Variants in PRKCQ observed in about 807,000 individuals in gnomAD.
PRKCQ encodes the protein protein kinase C theta type.
PRKCQ carries 41 observed loss-of-function variants against 91.2 expected under a neutral mutation model. The ratio of observed to expected loss-of-function variants is 0.45; its 90% confidence interval spans 0.35 to 0.58. The LOEUF (loss-of-function observed/expected upper bound fraction) is 0.58. Ranked by LOEUF, PRKCQ falls within the 20% of genes least tolerant of loss-of-function variation. The probability of loss-of-function intolerance (pLI) is 0.00; values close to 1 mark genes in which losing one functional copy is unlikely to be tolerated. For missense variants in PRKCQ, 673 were observed against 896.5 expected (o/e 0.75, Z 3.18); for synonymous variants, 307 against 316.9 (o/e 0.97, Z 0.33).
At chr10:6,442,135 C>A (rs1564297829) in intron 15 of PRKCQ, 54 bp from the exon 16 acceptor site, 1 of 1,545,552 alleles carries the variant, frequency 6.5e-7, no homozygotes, top group Non-Finnish European at 8.8e-7. Context: ...TGAGGAGTGA[C>A]AACTCTTCCT....
At chr10:6,437,646 A>AT (rs1002124125) in intron 16 of PRKCQ, among the ~76,000 whole-genome samples, 1 of 150,858 alleles carries the variant, frequency 6.6e-6, no homozygotes, top group East Asian at 2.0e-4. Context: ...CTAACTTATT[A>AT]TTTTTTTTAT....
intron 16 of PRKCQ, among the ~76,000 whole-genome samples, chr10:6,438,823 G>A (rs548119610): frequency 1.4e-3 from 209 of 152,028 alleles, no homozygotes; most frequent in African/African-American, 4.5e-3. Context: ...CTTGAATTTC[G>A]GGCTGCTCAA....
At chr10:6,414,040 T>C in the PRKCQ span, among the ~76,000 whole-genome samples, 13 of 152,044 alleles carry the variant, frequency 8.6e-5, no homozygotes, top group Non-Finnish European at 1.6e-4. Context: ...AATAAGGTGA[T>C]CCCCAAGATT....
rs1330675958 is a variant in PRKCQ, at chr10:6,443,401, T to TATTGTG, written c.1648-1321_1648-1320insCACAAT. Among the ~76,000 whole-genome samples, 11 of 152,300 alleles carry TATTGTG rather than the reference T, an allele frequency of 7.2e-5. No homozygotes were observed. The South Asian group carries it at 1.7e-3, about 23-fold the overall frequency. On this transcript the variant is annotated intron_variant, in intron 15 of 17. Transcript: ENST00000263125. ...GCAGCTTCATTCACAATAGCCAAGATATGGACTCTAAGTGTCCATCAGTGG... is the reference window on the plus strand; with the variant it reads ...GCAGCTTCATTCACAATAGCCAAGATATTGTGATGGACTCTAAGTGTCCATCAGTGG...
chr10:6,486,071 C>G lies in PRKCQ; in HGVS notation c.864G>C (p.Met288Ile), dbSNP rs778313820. Reference sequence around the variant, plus strand: ...TCTCAATCATGGCCAGCGCTTCAGCCATTAGCTTCTGGTTTATGCCACAAA... The same window carrying G: ...TCTCAATCATGGCCAGCGCTTCAGCGATTAGCTTCTGGTTTATGCCACAAA... ...ANLCGINQKLMAEALAMIEST... is the reference protein window; with the variant it reads ...ANLCGINQKLIAEALAMIEST... The change falls in exon 9 of 18, where the codon ATG (methionine) becomes ATC (isoleucine). Residue 288 changes from methionine to isoleucine, a missense_variant. Met to Ile is a conservative substitution (Grantham distance 10). Coordinates refer to ENST00000263125, the MANE Select transcript of PRKCQ (RefSeq NM_006257.5). 15 of 1,614,176 alleles carry G rather than the reference C, an allele frequency of 9.3e-6. No homozygotes were observed. Among genetic ancestry groups the G allele is most frequent in the Non-Finnish European group, 1.3e-5 (15 of 1,180,042 alleles).
intron 4 of PRKCQ, among the ~76,000 whole-genome samples, chr10:6,503,813 G>T (rs1024579817): frequency 3.9e-5 from 6 of 152,066 alleles, no homozygotes; most frequent in African/African-American, 7.3e-5. Context: ...GTCTTGTTCT[G>T]TTGCCCAGGC....
intron 3 of PRKCQ, among the ~76,000 whole-genome samples, chr10:6,509,864 T>C (rs1330555872): frequency 6.6e-6 from 1 of 152,220 alleles, no homozygotes; most frequent in Non-Finnish European, 1.5e-5. Flanking sequence ...CGAGCAAAGA[T>C]TTTTATACTT....
At chr10:6,423,922 G>A (rs949983399), downstream of PRKCQ, among the ~76,000 whole-genome samples, 4 of 152,046 alleles carry the variant, frequency 2.6e-5, no homozygotes, top group Non-Finnish European at 5.9e-5. Context: ...TTGTAGAGAC[G>A]TGCTCACCCA....
intron 9 of PRKCQ, among the ~76,000 whole-genome samples, chr10:6,485,568 C>G (rs1836859525): frequency 6.6e-6 from 1 of 152,164 alleles, no homozygotes; most frequent in African/African-American, 2.4e-5. Context: ...GATGGGAAAA[C>G]AGCTGATACA....
intron 1 of PRKCQ, among the ~76,000 whole-genome samples, chr10:6,573,989 A>G (rs1841134051): frequency 6.6e-6 from 1 of 152,202 alleles, no homozygotes; most frequent in Non-Finnish European, 1.5e-5. Flanking sequence ...GGTGGCATGC[A>G]ACTGTAGTCC....
the PRKCQ span, among the ~76,000 whole-genome samples, chr10:6,419,184 T>C: frequency 1.3e-5 from 2 of 148,714 alleles, no homozygotes; most frequent in African/African-American, 5.2e-5. Context: ...TACTTCTGTC[T>C]ATCTCTCTAT....
chr10:6,445,233 G>A (rs974299894), intron 15 of PRKCQ, among the ~76,000 whole-genome samples: 7 of 151,412 alleles, frequency 4.6e-5, no homozygotes, highest in South Asian at 2.1e-4. Flanking sequence ...TGATGTGCAC[G>A]GCAACCCCAT....
intron 16 of PRKCQ, among the ~76,000 whole-genome samples, chr10:6,436,615 T>A (rs1217361036): frequency 1.3e-5 from 2 of 152,206 alleles, no homozygotes; most frequent in Non-Finnish European, 2.9e-5. Flanking sequence ...TAATCTGACT[T>A]CCATTTCTAT....
At chr10:6,522,189 G>A (rs569591130) in intron 1 of PRKCQ, among the ~76,000 whole-genome samples, 16 of 152,192 alleles carry the variant, frequency 1.1e-4, no homozygotes, top group East Asian at 9.7e-4. Context: ...TGATCCATCC[G>A]CCTTGGCCTC....
intron 15 of PRKCQ, among the ~76,000 whole-genome samples, chr10:6,449,108 GAA>G (rs1554764628): frequency 3.3e-5 from 5 of 151,722 alleles, no homozygotes; most frequent in Non-Finnish European, 7.4e-5. Context: ...GTTGAGAGAA[GAA>G]GGCTTCAGAT....
chr10:6,514,498 T>C (rs1394208081), intron 2 of PRKCQ, among the ~76,000 whole-genome samples: 4 of 152,246 alleles, frequency 2.6e-5, no homozygotes, highest in Non-Finnish European at 5.9e-5. Context: ...TATTCTTTCA[T>C]TCAGCCAAGA....
At chr10:6,418,810 C>G in the PRKCQ span, among the ~76,000 whole-genome samples, 1 of 152,186 alleles carries the variant, frequency 6.6e-6, no homozygotes, top group African/African-American at 2.4e-5. Flanking sequence ...ACCTACCTAC[C>G]TATCAATCTA....
At position 6,427,430 on chromosome 10, in the gene PRKCQ, G is replaced by T. The variant is rs1406214367; in HGVS notation, c.*777C>A. On this transcript the variant is annotated 3_prime_UTR_variant, in exon 18 of 18. Coordinates refer to ENST00000263125, the MANE Select transcript of PRKCQ (RefSeq NM_006257.5). ...CATTTCTTTTCTTGTTATAGTGTGAGAATGGCAGTGAGTGACTGTGCCAAT... is the reference window on the plus strand; with the variant it reads ...CATTTCTTTTCTTGTTATAGTGTGATAATGGCAGTGAGTGACTGTGCCAAT... The T allele has an allele frequency of 6.6e-6, 1 of 152,226 alleles. No individual in the cohort carries two copies. The highest frequency in any genetic ancestry group is 1.5e-5 in the Non-Finnish European group (1 of 68,056). The allele number at this position is 152,226 out of a possible 1,614,324, so 9.4% of individuals were successfully genotyped here. A position where few individuals can be genotyped will look rare whatever the true frequency, so the allele number is the denominator to read the frequency against.
At chr10:6,482,990 C>T (rs1397206479) in intron 11 of PRKCQ, among the ~76,000 whole-genome samples, 1 of 152,080 alleles carries the variant, frequency 6.6e-6, no homozygotes, top group Non-Finnish European at 1.5e-5. Flanking sequence ...CAGAGCCGAG[C>T]CCTATCACAC....
Sources: gnomAD v4.1 joint callset for allele counts (sites outside exome capture counted in the v4.1 genomes callset) on GRCh38, gnomAD v4.1.1 for gene constraint, MANE v1.5 for transcripts, NCBI Gene and HGNC (gene_info 2026-07-23, HGNC 2026-07-21) for gene names.